The following GAB2 variants were observed in gnomAD, a reference collection of about 807,000 sequenced individuals.
The protein encoded by GAB2 is GRB2 associated binding protein 2.
A neutral mutation model predicts 65.5 loss-of-function variants in GAB2; 26 were observed. The ratio of observed to expected loss-of-function variants is 0.40; its 90% CI spans 0.29 to 0.55. The LOEUF (loss-of-function observed/expected upper bound fraction) is 0.55, where lower values mean the gene tolerates loss of function less well. Among genes scored for constraint, GAB2 ranks in the 20% least tolerant of loss-of-function variants. The probability of loss-of-function intolerance (pLI) is 0.53; values close to 1 mark genes in which losing one functional copy is unlikely to be tolerated. For synonymous variants in GAB2, 321 were observed against 329.6 expected, an observed-to-expected ratio of 0.97 and a Z score of 0.28; for missense variants, 884 against 875.8, an observed-to-expected ratio of 1.01 and a Z score of -0.12.
At chr11:78,276,737 A>G (rs1417756623) in intron 2 of GAB2, among the ~76,000 whole-genome samples, 1 of 152,228 alleles carries the variant, frequency 6.6e-6, no homozygotes, top group Non-Finnish European at 1.5e-5. Context: ...TAGTTTCCAC[A>G]TTTTCATTGT....
chr11:78,308,615 G>A (rs1855421684), intron 1 of GAB2, among the ~76,000 whole-genome samples: 1 of 152,104 alleles, frequency 6.6e-6, no homozygotes, highest in Admixed American at 6.6e-5. Flanking sequence ...GTTGAGAGAA[G>A]GAAGCGAGTA....
intron 1 of GAB2, among the ~76,000 whole-genome samples, chr11:78,383,482 C>T (rs1050934128): frequency 4.1e-5 from 6 of 147,754 alleles, no homozygotes; most frequent in East Asian, 2.0e-4. Context: ...TGGTGGCTCA[C>T]GTATGTAATC....
At chr11:78,281,505 A>G (rs190619665) in intron 1 of GAB2, among the ~76,000 whole-genome samples, 73 of 152,066 alleles carry the variant, frequency 4.8e-4, no homozygotes, top group East Asian at 4.7e-3. Flanking sequence ...TCGGCCTCCC[A>G]AAAGTGCTGG....
chr11:78,361,113 G>C (rs1374804505), intron 1 of GAB2, among the ~76,000 whole-genome samples: 1 of 152,132 alleles, frequency 6.6e-6, no homozygotes, highest in African/African-American at 2.4e-5. Context: ...GATTATGATA[G>C]AAGTAGCACC....
At position 78,227,056 on chromosome 11, in the gene GAB2, AAGAG is replaced by A; in HGVS notation, c.621-9_621-6del. The A allele has an allele frequency of 6.3e-7, 1 of 1,580,550 alleles. No individual in the cohort carries two copies. On this transcript the variant is annotated splice_polypyrimidine_tract_variant and splice_region_variant and intron_variant, in intron 3 of 9. Transcript: ENST00000361507. ...CCCTGAGAGAAGCTGGCACTCCTAAAAGAGAAAGAAGGGAAAGGGCAGGAGGGTG... is the reference window on the plus strand; with the variant it reads ...CCCTGAGAGAAGCTGGCACTCCTAAAAAAGAAGGGAAAGGGCAGGAGGGTG...
chr11:78,388,925 C>T (rs550600136), intron 1 of GAB2, among the ~76,000 whole-genome samples: 67 of 152,266 alleles, frequency 4.4e-4, no homozygotes, highest in Non-Finnish European at 6.8e-4. Flanking sequence ...CTCCACCCAA[C>T]GGAGAAATGA....
At chr11:78,379,995 C>A (rs1182540459) in intron 1 of GAB2, among the ~76,000 whole-genome samples, 1 of 152,096 alleles carries the variant, frequency 6.6e-6, no homozygotes, top group Non-Finnish European at 1.5e-5. Flanking sequence ...CAAATATGGA[C>A]AATGAATTAA....
intron 1 of GAB2, among the ~76,000 whole-genome samples, chr11:78,342,566 G>A (rs79585093): frequency 0.085 from 12,966 of 152,044 alleles, 1,707 homozygotes; most frequent in African/African-American, 0.29. Flanking sequence ...CCGCCAGCAC[G>A]CCTGGCGAAT....
At chr11:78,300,526 A>AAAACAAAAAC (rs1554985530) in intron 1 of GAB2, among the ~76,000 whole-genome samples, 1 of 145,416 alleles carries the variant, frequency 6.9e-6, no homozygotes, top group East Asian at 2.0e-4. Context: ...TAAAAAAACA[A>AAAACAAAAAC]AAAAACAAAA....
intron 2 of GAB2, among the ~76,000 whole-genome samples, chr11:78,256,674 C>G (rs2134536767): frequency 1.3e-5 from 2 of 152,292 alleles, no homozygotes; most frequent in Middle Eastern, 6.8e-3. Context: ...TAATCTCTAG[C>G]CTACCTGTCT....
chr11:78,414,141 A>C (rs1000305771), intron 1 of GAB2, among the ~76,000 whole-genome samples: 6 of 152,026 alleles, frequency 3.9e-5, no homozygotes, highest in Non-Finnish European at 5.9e-5. Context: ...GATACAAGTA[A>C]ATTTGAAAAT....
intron 5 of GAB2, among the ~76,000 whole-genome samples, chr11:78,224,826 T>C (rs1705222576): frequency 6.6e-6 from 1 of 152,140 alleles, no homozygotes; most frequent in Non-Finnish European, 1.5e-5. Context: ...TCCCCCACCG[T>C]GCAGCCTGGG....
intron 1 of GAB2, among the ~76,000 whole-genome samples, chr11:78,316,678 T>C (rs1855613573): frequency 1.3e-5 from 2 of 152,268 alleles, no homozygotes; most frequent in South Asian, 4.1e-4. Flanking sequence ...CCTTGTGCAA[T>C]GTTGGTGGGG....
chr11:78,378,312 T>A (rs1156325577), intron 1 of GAB2, among the ~76,000 whole-genome samples: 1 of 152,192 alleles, frequency 6.6e-6, no homozygotes, highest in Non-Finnish European at 1.5e-5. Context: ...GCCATTAAAA[T>A]ATGATTGTGT....
intron 1 of GAB2, among the ~76,000 whole-genome samples, chr11:78,300,375 C>A (rs1310980634): frequency 6.6e-6 from 1 of 150,478 alleles, no homozygotes; most frequent in Non-Finnish European, 1.5e-5. Flanking sequence ...AAGGTTGTTT[C>A]CAGCTTGGAG....
intron 1 of GAB2, among the ~76,000 whole-genome samples, chr11:78,401,719 T>C (rs771128526): frequency 6.6e-6 from 1 of 152,172 alleles, no homozygotes; most frequent in Non-Finnish European, 1.5e-5. Context: ...TGTGTATATA[T>C]GAACACACAC....
rs890900878 is a variant in GAB2 at position 78,414,783 on chromosome 11, C to T, written c.75+2863G>A. Among the ~76,000 whole-genome samples, 11 of 152,314 alleles carry T rather than the reference C, an allele frequency of 7.2e-5. 1 individual carries two copies. Among genetic ancestry groups the T allele is most frequent in the Admixed American group, 2.0e-4 (3 of 15,300 alleles). On this transcript the variant is annotated intron_variant, in intron 1 of 9. Transcript: ENST00000361507. Reference sequence around the variant, plus strand: ...ACTAGAAAAGGCTGATGAAAAAAATCCCTGAAAACTAATTGCTCAAACATT... The same window carrying T: ...ACTAGAAAAGGCTGATGAAAAAAATTCCTGAAAACTAATTGCTCAAACATT...
At chr11:78,318,887 G>C (rs549106181) in intron 1 of GAB2, among the ~76,000 whole-genome samples, 175 of 152,248 alleles carry the variant, frequency 1.1e-3, no homozygotes, top group African/African-American at 4.0e-3. Context: ...ATCCCTTCCC[G>C]CACTGGAGCT....
At chr11:78,245,096 G>A (rs1865260164) in intron 3 of GAB2, among the ~76,000 whole-genome samples, 1 of 152,140 alleles carries the variant, frequency 6.6e-6, no homozygotes, top group Non-Finnish European at 1.5e-5. Flanking sequence ...TGTATATGAG[G>A]CATCTAGAGA....
Sources: allele counts gnomAD v4.1 joint callset (sites outside exome capture counted in the v4.1 genomes callset), GRCh38; gene constraint gnomAD v4.1.1; transcripts MANE v1.5; gene names NCBI Gene and HGNC (gene_info 2026-07-23, HGNC 2026-07-21).